Variants in ZNF48 observed in about 807,000 individuals in gnomAD.
The protein encoded by ZNF48 is zinc finger protein 48.
A neutral mutation model predicts 40.0 loss-of-function variants in ZNF48; 20 were observed. The ratio of observed to expected loss-of-function variants is 0.50; its 90% CI spans 0.35 to 0.73. ZNF48 has a LOEUF of 0.73. Ranked by LOEUF, ZNF48 falls within the 30% of genes least tolerant of loss-of-function variation. ZNF48 has a pLI of 0.01. For synonymous variants in ZNF48, 298 were observed against 329.7 expected, an observed-to-expected ratio of 0.90 and a Z score of 1.04; for missense variants, 726 against 851.9, an observed-to-expected ratio of 0.85 and a Z score of 1.84.
chr16:30,386,381 T>C (rs375293935), intron 1 of ZNF48, among the ~76,000 whole-genome samples: 1 of 150,658 alleles, frequency 6.6e-6, no homozygotes, highest in Non-Finnish European at 1.5e-5. Flanking sequence ...AATATAAACA[T>C]TTAAATGTGG....
At chr16:30,378,383 C>T (rs1437896940) in exon 1 of ZNF48, 29 of 1,492,698 alleles carry the variant, frequency 1.9e-5, no homozygotes, top group Non-Finnish European at 2.4e-5. Flanking sequence ...GGGGATTGGA[C>T]AAGAGGCCGA....
chr16:30,389,816 G>GGTTTT (rs1555500214), intron 1 of ZNF48, among the ~76,000 whole-genome samples: 1 of 22,480 alleles, frequency 4.4e-5, no homozygotes, highest in Non-Finnish European at 1.1e-4. Context: ...ATTTGGATTA[G>GGTTTT]TTTTTTTTTT....
chr16:30,387,223 G>A (rs940161979), intron 1 of ZNF48, among the ~76,000 whole-genome samples: 15 of 147,338 alleles, frequency 1.0e-4, no homozygotes, highest in African/African-American at 2.5e-4. Flanking sequence ...GATTACAGGC[G>A]TGAGCCACCG....
At chr16:30,387,165 G>A (rs1434178325) in intron 1 of ZNF48, among the ~76,000 whole-genome samples, 149 of 147,170 alleles carry the variant, frequency 1.0e-3, no homozygotes, top group East Asian at 3.1e-3. Flanking sequence ...GGATGGTCTC[G>A]ATCTCCTGAC....
At chr16:30,393,049 C>T (rs2049953945), upstream of ZNF48, among the ~76,000 whole-genome samples, 1 of 152,164 alleles carries the variant, frequency 6.6e-6, no homozygotes, top group Non-Finnish European at 1.5e-5. Context: ...CCTGTTCTCC[C>T]ACACTATCGT....
upstream of ZNF48, among the ~76,000 whole-genome samples, chr16:30,393,844 T>C (rs1308638742): frequency 6.6e-6 from 1 of 152,110 alleles, no homozygotes; most frequent in Non-Finnish European, 1.5e-5. Context: ...GTCTCCAGTG[T>C]AGCCAGGACC....
chr16:30,383,436 G>A (rs755623908), intron 1 of ZNF48, among the ~76,000 whole-genome samples: 2 of 152,146 alleles, frequency 1.3e-5, no homozygotes, highest in Admixed American at 6.5e-5. Context: ...TGATCTGCCC[G>A]CCTCGGCCTC....
rs1318451434 is a variant in ZNF48, at chr16:30,398,173, G to A, written c.923G>A (p.Cys308Tyr). 1.2e-6 allele frequency: 2 copies of A among 1,614,112 alleles called. No individual in the cohort carries two copies. Among genetic ancestry groups the A allele is most frequent in the Non-Finnish European group, 8.5e-7 (1 of 1,180,030 alleles). ...LGPKPFGCDV[C>Y]GKEFARGSDL... ...CCCAAGCCCTTTGGCTGTGATGTGT[G>A]TGGAAAGGAGTTTGCCCGGGGATCC... The change falls in exon 3 of 3, where the codon TGT becomes TAT. Residue 308 changes from cysteine (C) to tyrosine (Y), a missense_variant. Cys to Tyr is a radical substitution (Grantham distance 194). This residue lies in a region of ZNF48 where 378 missense variants were observed against 449.1 expected (regional missense o/e 0.84). Transcript: ENST00000613509. The surrounding 1 kb of genome is among the most constrained non-coding windows in gnomAD (Gnocchi z 6.6).
chr16:30,381,563 T>C lies in ZNF48; in HGVS notation c.-16+3153T>C. ...CAGGACTGTGGGAGTAGAATGTCAT[T>C]TCTTTGGCTCCCTCCAAAGACATTA... is the stretch of plus-strand genomic sequence containing the variant. On this transcript the variant is annotated intron_variant, in intron 1 of 2. Coordinates refer to the ZNF48 transcript ENST00000528032. The surrounding 1 kb of genome is among the most constrained non-coding windows in gnomAD (Gnocchi z 4.3). 22 of 1,540,890 alleles carry C rather than the reference T, an allele frequency of 1.4e-5. No individual in the cohort carries two copies. Among genetic ancestry groups the C allele is most frequent in the Non-Finnish European group, 2.0e-5 (22 of 1,122,990 alleles).
At chr16:30,378,667 CG>C in intron 1 of ZNF48, 6 of 1,609,488 alleles carry the variant, frequency 3.7e-6, no homozygotes, top group Non-Finnish European at 5.1e-6. Context: ...GCATGGGCAG[CG>C]GGATCTCTGT....
Position 30,397,875 on chromosome 16 carries a change from A to G in ZNF48, c.625A>G (p.Lys209Glu). 1 of 1,614,074 alleles carries G rather than the reference A, an allele frequency of 6.2e-7. No individual in the cohort carries two copies. The highest frequency in any genetic ancestry group is 2.2e-5 in the East Asian group (1 of 44,882). Residue 209 changes from lysine (K) to glutamate (E), a missense_variant, in exon 3 of 3, where the codon AAA becomes GAA. Around this residue, in one of 5 missense-constraint regions of ZNF48, gnomAD observed 378 missense variants for 449.1 expected, o/e 0.84. Transcript: ENST00000613509. This position sits in a 1 kb window ranked among gnomAD's most constrained non-coding sequence, Gnocchi z 4.1. ...CTTCCGGCAGAGTTCTGACCTGGTG[A>G]AACACCAGCGGACACACACTGGTGA... ...KSFRQSSDLVKHQRTHTGEKP... is the reference protein window; with the variant it reads ...KSFRQSSDLVEHQRTHTGEKP...
At position 30,395,660 on chromosome 16, in the gene ZNF48, G is replaced by T. The variant is rs1295854301; in HGVS notation, c.-16+82G>T. On this transcript the variant is annotated intron_variant, in intron 1 of 2. Transcript: ENST00000613509. The surrounding 1 kb of genome is among the most constrained non-coding windows in gnomAD (Gnocchi z 5.9). ...GCGGGCAGGGGGCACCGGGAGCCGC[G>T]CCCGTACCTGGGACCCGACGCCGCC... is the stretch of plus-strand genomic sequence containing the variant. 1 of 769,538 alleles carries T rather than the reference G, an allele frequency of 1.3e-6. No homozygotes were observed. The highest frequency in any genetic ancestry group is 6.2e-5 in the South Asian group (1 of 16,034). The allele number at this position is 769,538 out of a possible 1,614,324, so 47.7% of individuals were successfully genotyped here.
At chr16:30,378,870 C>CGGAGAGAGGGAGGGAG in intron 1 of ZNF48, 1 of 114,420 alleles carries the variant, frequency 8.7e-6, no homozygotes, top group Non-Finnish European at 1.3e-5. Flanking sequence ...GAGGGAGAGA[C>CGGAGAGAGGGAGGGAG]GGAGAGAGGG....
At chr16:30,389,146 C>T (rs1356768687) in intron 1 of ZNF48, among the ~76,000 whole-genome samples, 2 of 151,976 alleles carry the variant, frequency 1.3e-5, no homozygotes, top group African/African-American at 2.4e-5. Flanking sequence ...GTAATTCCAG[C>T]ACTTTGGGAG....
intron 1 of ZNF48, chr16:30,378,651 G>C (rs757647512): frequency 1.4e-5 from 23 of 1,609,476 alleles, no homozygotes; most frequent in Non-Finnish European, 1.8e-5. Context: ...GTGTCCGCCA[G>C]AGGCAGCATG....
intron 1 of ZNF48, chr16:30,380,375 C>A: frequency 6.2e-6 from 1 of 161,924 alleles, no homozygotes. Flanking sequence ...CATCTTGGTT[C>A]ACTGCAGCCT....
rs1465890764 is a variant in ZNF48, at chr16:30,398,903, G to A, written c.1653G>A (p.Glu551=). ...ACGTGTGTGGCTTCTGTGGGAAGGA[G>A]TTCCCCCGGAGCTCAGATCTGGTCA... ...QPHVCGFCGK[E]FPRSSDLVKH... Residue 551 remains glutamate, a synonymous_variant, in exon 3 of 3, where the codon GAG becomes GAA. Coordinates refer to ENST00000613509, the MANE Select transcript of ZNF48 (RefSeq NM_001214909.2). The surrounding 1 kb of genome is among the most constrained non-coding windows in gnomAD (Gnocchi z 6.6). The A allele has an allele frequency of 6.2e-7, 1 of 1,613,754 alleles. No homozygotes were observed. The highest frequency in any genetic ancestry group is 2.2e-5 in the East Asian group (1 of 44,872).
At chr16:30,393,723 T>A (rs1437771065), upstream of ZNF48, among the ~76,000 whole-genome samples, 2 of 151,396 alleles carry the variant, frequency 1.3e-5, no homozygotes, top group Non-Finnish European at 2.9e-5. Context: ...TCTTTCTTTC[T>A]CTTTTTTTTT....
rs765964104 is a variant in ZNF48 at position 30,398,528 on chromosome 16, G to T, written c.1278G>T (p.Leu426=). The stretch of plus-strand genomic sequence containing the variant: ...CACACTCGGGTGAGCCTTTTGGCCT[G>T]CCTGGCTTGGAGCCAGAGCCTGGGG... ...SPSHSGEPFG[L]PGLEPEPGGP... The change falls in exon 3 of 3, where the codon CTG becomes CTT. Residue 426 remains leucine (L), a synonymous_variant. Coordinates refer to ENST00000613509, the MANE Select transcript of ZNF48 (RefSeq NM_001214909.2). The surrounding 1 kb of genome is among the most constrained non-coding windows in gnomAD (Gnocchi z 6.6). The T allele has an allele frequency of 6.2e-7, 1 of 1,603,796 alleles. No individual in the cohort carries two copies. Among genetic ancestry groups the T allele is most frequent in the East Asian group, 2.2e-5 (1 of 44,748 alleles).
Sources: gnomAD v4.1 joint callset for allele counts (sites outside exome capture counted in the v4.1 genomes callset) on GRCh38, gnomAD v4.1.1 for gene constraint, gnomAD v4.1.1 regional missense constraint, Gnocchi (gnomAD v3.1) non-coding constraint, MANE v1.5 for transcripts, NCBI Gene and HGNC (gene_info 2026-07-23, HGNC 2026-07-21) for gene names.